Variants in ACSS1 observed in about 807,000 individuals in gnomAD.
ACSS1 encodes the protein acyl-CoA synthetase short chain family member 1, also known as acetyl-coenzyme A synthetase 2-like, mitochondrial.
In ACSS1, 42 loss-of-function variants were observed where a neutral mutation model predicts 75.3. The observed-to-expected ratio is 0.56, with a 90% confidence interval of 0.44 to 0.72. The LOEUF is 0.72. Among genes scored for constraint, ACSS1 ranks in the 30% least tolerant of loss-of-function variants. ACSS1 has a pLI of 0.00. For synonymous variants in ACSS1, 380 were observed against 376.8 expected, an observed-to-expected ratio of 1.01 and a Z score of -0.10; for missense variants, 782 against 935.7, an observed-to-expected ratio of 0.84 and a Z score of 2.14.
intron 1 of ACSS1, among the ~76,000 whole-genome samples, chr20:25,053,317 A>C (rs532965549): frequency 6.7e-6 from 1 of 149,982 alleles, no homozygotes; most frequent in South Asian, 2.1e-4. Context: ...TGCCCACCTC[A>C]GCCTCCCAAA....
chr20:25,035,061 A>AT, intron 2 of ACSS1, among the ~76,000 whole-genome samples: 1 of 149,998 alleles, frequency 6.7e-6, no homozygotes, highest in Non-Finnish European at 1.5e-5. Context: ...CGCCTGGCTA[A>AT]TTTTTTTGTA....
At chr20:25,032,501 T>C (rs1418001682) in intron 2 of ACSS1, 5 of 1,271,270 alleles carry the variant, frequency 3.9e-6, no homozygotes, top group Non-Finnish European at 4.0e-6. Context: ...CTGACTTTAA[T>C]TAATTATTTG....
intron 3 of ACSS1, among the ~76,000 whole-genome samples, chr20:25,025,954 C>T (rs2088708370): frequency 6.6e-6 from 1 of 152,154 alleles, no homozygotes; most frequent in African/African-American, 2.4e-5. Flanking sequence ...AGTGACATAG[C>T]ACAGCTTCTG....
chr20:25,017,011 A>G (rs2088529765), intron 7 of ACSS1, among the ~76,000 whole-genome samples: 1 of 149,880 alleles, frequency 6.7e-6, no homozygotes, highest in Non-Finnish European at 1.5e-5. Flanking sequence ...TGAGAGAGAG[A>G]GACAAGGATC....
At chr20:25,014,171 A>G in intron 8 of ACSS1, 98 bp from the exon 9 acceptor site, 1 of 997,424 alleles carries the variant, frequency 1.0e-6, no homozygotes, top group Non-Finnish European at 1.5e-6. Context: ...TGTTGTGGGC[A>G]AGGAAACGCC....
chr20:25,021,573 CCCCA>C, intron 5 of ACSS1, 37 bp from the exon 6 acceptor site: 2 of 1,604,498 alleles, frequency 1.2e-6, no homozygotes, highest in Non-Finnish European at 1.7e-6. Context: ...GAGCTTGTCC[CCCCA>C]CTCCACCATG....
intron 2 of ACSS1, among the ~76,000 whole-genome samples, chr20:25,038,429 A>G (rs2068346798): frequency 6.6e-6 from 1 of 152,220 alleles, no homozygotes; most frequent in African/African-American, 2.4e-5. Flanking sequence ...GCACCTTTGA[A>G]GGTGACCTGT....
intron 3 of ACSS1, among the ~76,000 whole-genome samples, chr20:25,024,355 G>A (rs528744275): frequency 6.6e-6 from 1 of 152,312 alleles, no homozygotes; most frequent in South Asian, 2.1e-4. Context: ...AAGACCCCAG[G>A]AAAAGGAGGT....
At chr20:25,028,292 G>A (rs774433022) in intron 3 of ACSS1, among the ~76,000 whole-genome samples, 5 of 152,088 alleles carry the variant, frequency 3.3e-5, no homozygotes, top group African/African-American at 4.8e-5. Flanking sequence ...AAAGCAAGAA[G>A]AGCCAAAACA....
intron 3 of ACSS1, among the ~76,000 whole-genome samples, chr20:25,024,970 G>A (rs574053936): frequency 3.9e-5 from 6 of 152,328 alleles, no homozygotes; most frequent in African/African-American, 1.4e-4. Flanking sequence ...CTCACCTGGG[G>A]AAACCAAGTC....
chr20:25,030,864 G>C lies in ACSS1; in HGVS notation c.526C>G (p.Pro176Ala), dbSNP rs778112595. The C allele has an allele frequency of 6.2e-7, 1 of 1,614,234 alleles. No homozygotes were observed. The highest frequency in any genetic ancestry group is 1.1e-5 in the South Asian group (1 of 91,088). ...GCCAGCATTGCTGCCACAGCCAATG[G>C]GGACACGGGCATGTAGATGGCAACA... ...DRVAIYMPVS[P>A]LAVAAMLACA... Residue 176 changes from proline (P) to alanine (A), a missense_variant, in exon 3 of 14, where the codon CCA becomes GCA. Transcript: ENST00000323482.
intron 1 of ACSS1, among the ~76,000 whole-genome samples, chr20:25,048,859 G>T (rs915438552): frequency 6.6e-6 from 1 of 152,208 alleles, no homozygotes; most frequent in Admixed American, 6.5e-5. Flanking sequence ...TGAGACTGAG[G>T]ATTAGCAGCA....
At chr20:25,015,307 T>G (rs2088497268) in intron 7 of ACSS1, 77 bp from the exon 8 acceptor site, 5 of 1,345,530 alleles carry the variant, frequency 3.7e-6, no homozygotes, top group Middle Eastern at 3.8e-4. Context: ...TTGTTTTTTG[T>G]TTTTTGTTTT....
chr20:25,011,368 A>T (rs555680195), intron 12 of ACSS1: 15 of 152,472 alleles, frequency 9.8e-5, no homozygotes, highest in African/African-American at 3.4e-4. Context: ...GACCCCTCTC[A>T]GTGGCCCCAG....
intron 2 of ACSS1, among the ~76,000 whole-genome samples, chr20:25,036,625 T>C (rs1243666432): frequency 6.6e-6 from 1 of 152,158 alleles, no homozygotes. Flanking sequence ...AGGCCCAGGA[T>C]AAGTAAGTCC....
Position 25,020,160 on chromosome 20 carries a change from C to T in ACSS1, c.1109-13G>A, listed in dbSNP as rs780388040. The T allele has an allele frequency of 1.3e-5, 21 of 1,613,778 alleles. No homozygotes were observed. The highest frequency in any genetic ancestry group is 2.2e-5 in the South Asian group (2 of 91,076). ...TCCCAGTACCGACCTACAGAAAGGC[C>T]GAAATTCACTGTCAGCAGGAGAGCT... On this transcript the variant is annotated splice_polypyrimidine_tract_variant and intron_variant, in intron 6 of 13. Coordinates refer to ENST00000323482, the MANE Select transcript of ACSS1 (RefSeq NM_032501.4).
chr20:25,024,396 AC>A lies in ACSS1; in HGVS notation c.632-756del, dbSNP rs547896825. Among the ~76,000 whole-genome samples the A allele has an allele frequency of 1.1e-4, 16 of 152,320 alleles. No individual in the cohort carries two copies. In the South Asian group the frequency reaches 3.3e-3, roughly 32 times the overall value. On this transcript the variant is annotated intron_variant, in intron 3 of 13. Transcript: ENST00000323482. ...CCACGCTGTGCCCCAGTGCGGGATGACCCAGAGGGATCACAGCTGCGGGGGG... is the reference window on the plus strand; with the variant it reads ...CCACGCTGTGCCCCAGTGCGGGATGACCAGAGGGATCACAGCTGCGGGGGG...
intron 2 of ACSS1, chr20:25,032,358 C>T (rs531555065): frequency 8.2e-6 from 11 of 1,348,398 alleles, no homozygotes; most frequent in Middle Eastern, 1.9e-4. Flanking sequence ...AGGCGAGAGC[C>T]GCCAACTTGC....
At chr20:25,045,641 G>A (rs562808652) in intron 2 of ACSS1, among the ~76,000 whole-genome samples, 1 of 152,372 alleles carries the variant, frequency 6.6e-6, no homozygotes, top group African/African-American at 2.4e-5. Flanking sequence ...CTCGAGTGCT[G>A]TGGCACGAGG....
Sources: gnomAD v4.1 joint callset for allele counts (sites outside exome capture counted in the v4.1 genomes callset) on GRCh38, gnomAD v4.1.1 for gene constraint, MANE v1.5 for transcripts, NCBI Gene and HGNC (gene_info 2026-07-23, HGNC 2026-07-21) for gene names.